IL6R: variants seen among roughly 807,000 people sequenced by gnomAD.
IL6R encodes interleukin-6 receptor subunit alpha.
Under a neutral mutation model 48.3 loss-of-function variants are expected in IL6R, and 38 were observed. The ratio of observed to expected loss-of-function variants is 0.79; its 90% CI spans 0.61 to 1.03. IL6R has a LOEUF of 1.03. Ranked by LOEUF, IL6R falls within the 50% of genes least tolerant of loss-of-function variation. The pLI is 0.00. For synonymous variants in IL6R, 264 were observed against 256.2 expected, an observed-to-expected ratio of 1.03 and a Z score of -0.29; for missense variants, 534 against 618.3, an observed-to-expected ratio of 0.86 and a Z score of 1.45.
At chr1:154,416,365 G>C (rs936475306) in intron 1 of IL6R, among the ~76,000 whole-genome samples, 5 of 143,692 alleles carry the variant, frequency 3.5e-5, no homozygotes, top group African/African-American at 5.2e-5. Context: ...GGCTGGTCTT[G>C]AGCTCCTGGT....
intron 1 of IL6R, among the ~76,000 whole-genome samples, chr1:154,412,919 T>C (rs1270325641): frequency 1.3e-5 from 2 of 151,398 alleles, no homozygotes; most frequent in African/African-American, 4.9e-5. Flanking sequence ...TCCTGTGGAC[T>C]AGGAAATTTA....
rs376570981 is a variant in IL6R, at chr1:154,448,107, C to A, written c.950-18C>A. 9.9e-5 allele frequency: 160 copies of A among 1,610,630 alleles called. No individual in the cohort carries two copies. The highest frequency in any genetic ancestry group is 1.3e-4 in the Non-Finnish European group (152 of 1,176,966). ...GGGCCCATGAATCACTAATAATGAG[C>A]CTTTCTTCTGTCCGCAGAATCCAGG... On this transcript the variant is annotated intron_variant, in intron 6 of 9. Transcript: ENST00000368485.
At chr1:154,416,493 C>T (rs927947523) in intron 1 of IL6R, among the ~76,000 whole-genome samples, 5 of 151,890 alleles carry the variant, frequency 3.3e-5, no homozygotes, top group African/African-American at 7.3e-5. Flanking sequence ...TTTTTAATGC[C>T]GAGTCTTCCT....
rs753271783 is a variant in IL6R at position 154,429,430 on chromosome 1, A to C, written c.320A>C (p.His107Pro). ...GCCGGCCGCCCAGCTGGGACTGTGC[A>C]CTTGCTGGTGGATGGTGAGTTGTGC... ...YRAGRPAGTV[H>P]LLVDVPPEEP... Residue 107 changes from histidine to proline, a missense_variant, in exon 2 of 10, where the codon CAC becomes CCC. Transcript: ENST00000368485. The C allele has an allele frequency of 5.6e-6, 9 of 1,610,290 alleles. No individual in the cohort carries two copies. The highest frequency in any genetic ancestry group is 1.1e-5 in the South Asian group (1 of 90,976).
At chr1:154,418,801 G>T (rs1321396898) in intron 1 of IL6R, among the ~76,000 whole-genome samples, 1 of 152,162 alleles carries the variant, frequency 6.6e-6, no homozygotes, top group Non-Finnish European at 1.5e-5. Flanking sequence ...TGGGGGAAGG[G>T]AGAGAAAGGC....
At chr1:154,417,807 C>A (rs1425863822) in intron 1 of IL6R, among the ~76,000 whole-genome samples, 1 of 147,190 alleles carries the variant, frequency 6.8e-6, no homozygotes, top group African/African-American at 2.5e-5. Context: ...GTGGCATGAT[C>A]TCAGCTCACT....
chr1:154,418,511 G>C (rs1368325171), intron 1 of IL6R: 1 of 616,504 alleles, frequency 1.6e-6, no homozygotes, highest in Non-Finnish European at 2.0e-6. Context: ...GCAGGGGCCT[G>C]CCAGCCAAAG....
At chr1:154,429,493 G>A in intron 2 of IL6R, 49 bp downstream of exon 2, 1 of 1,572,560 alleles carries the variant, frequency 6.4e-7, no homozygotes, top group Non-Finnish European at 8.7e-7. Context: ...AAGAAATGAG[G>A]CTTTGTGCAT....
At chr1:154,456,662 G>A (rs1690907180) in intron 9 of IL6R, among the ~76,000 whole-genome samples, 2 of 152,162 alleles carry the variant, frequency 1.3e-5, no homozygotes, top group Admixed American at 6.5e-5. Context: ...AACACCTGAG[G>A]ATAGACAAGT....
chr1:154,440,847 T>C (rs1015314393), intron 6 of IL6R, among the ~76,000 whole-genome samples: 4 of 152,132 alleles, frequency 2.6e-5, no homozygotes, highest in Non-Finnish European at 5.9e-5. Flanking sequence ...GAGACGGGGC[T>C]TTGCCATGTT....
At chr1:154,410,615 G>A (rs1172959001) in intron 1 of IL6R, among the ~76,000 whole-genome samples, 1 of 152,178 alleles carries the variant, frequency 6.6e-6, no homozygotes, top group Non-Finnish European at 1.5e-5. Flanking sequence ...GATCTGAAGA[G>A]GTCAAAAGTC....
At chr1:154,422,669 C>A (rs911040660) in intron 1 of IL6R, among the ~76,000 whole-genome samples, 2 of 152,226 alleles carry the variant, frequency 1.3e-5, no homozygotes, top group Non-Finnish European at 2.9e-5. Context: ...CAATTGCTCA[C>A]GGACAAATGC....
chr1:154,422,794 G>T (rs1393935899), intron 1 of IL6R, among the ~76,000 whole-genome samples: 1 of 152,242 alleles, frequency 6.6e-6, no homozygotes, highest in Non-Finnish European at 1.5e-5. Flanking sequence ...GGCCGGGGTG[G>T]GAGCATGAGA....
chr1:154,447,532 CACAT>C (rs1332541243), intron 6 of IL6R, among the ~76,000 whole-genome samples: 1 of 121,220 alleles, frequency 8.2e-6, no homozygotes, highest in Admixed American at 9.8e-5. Flanking sequence ...CATATATATA[CACAT>C]ACATATATAT....
chr1:154,430,366 G>T, intron 2 of IL6R, 117 bp from the exon 3 acceptor site: 2 of 1,334,122 alleles, frequency 1.5e-6, no homozygotes, highest in South Asian at 2.8e-5. Flanking sequence ...TAGCTCCAGG[G>T]CTGGGGCCGA....
At chr1:154,428,943 C>T (rs2149234766) in intron 1 of IL6R, among the ~76,000 whole-genome samples, 1 of 152,228 alleles carries the variant, frequency 6.6e-6, no homozygotes, top group East Asian at 1.9e-4. Context: ...TGGTGGCAGG[C>T]CCTTGAAGGG....
chr1:154,444,663 T>G (rs1250428906), intron 6 of IL6R, among the ~76,000 whole-genome samples: 1 of 152,070 alleles, frequency 6.6e-6, no homozygotes, highest in Non-Finnish European at 1.5e-5. Context: ...TTTACGAGGC[T>G]GATGGGGGAG....
At chr1:154,425,622 T>A (rs1270773618) in intron 1 of IL6R, among the ~76,000 whole-genome samples, 1 of 139,392 alleles carries the variant, frequency 7.2e-6, no homozygotes, top group African/African-American at 2.8e-5. Flanking sequence ...AAAAAAAAAA[T>A]ATACAGCCAG....
chr1:154,427,059 C>T (rs1689018649), intron 1 of IL6R, among the ~76,000 whole-genome samples: 2 of 152,114 alleles, frequency 1.3e-5, no homozygotes, highest in Non-Finnish European at 2.9e-5. Flanking sequence ...GCTGGGATTA[C>T]AGGAGCCTGC....
Sources: gnomAD v4.1 joint callset for allele counts (sites outside exome capture counted in the v4.1 genomes callset) on GRCh38, gnomAD v4.1.1 for gene constraint, MANE v1.5 for transcripts, NCBI Gene and HGNC (gene_info 2026-07-23, HGNC 2026-07-21) for gene names.